Variants in CHD1L observed in about 807,000 individuals in gnomAD.
CHD1L encodes the protein ATP-dependent chromatin remodeler CHD1L.
CHD1L carries 118 observed loss-of-function variants against 115.9 expected under a neutral mutation model. The ratio of observed to expected loss-of-function variants is 1.02; its 90% confidence interval spans 0.88 to 1.19. The LOEUF (loss-of-function observed/expected upper bound fraction) is 1.19. Among genes scored for constraint, CHD1L ranks in the 50% most tolerant of loss-of-function variants. The pLI is 0.00. For synonymous variants in CHD1L, 411 were observed against 387.1 expected, an observed-to-expected ratio of 1.06 and a Z score of -0.72; for missense variants, 1,179 against 1,065.3, an observed-to-expected ratio of 1.11 and a Z score of -1.49.
chr1:147,277,651 T>C (rs782457282), intron 14 of CHD1L, among the ~76,000 whole-genome samples: 14 of 152,198 alleles, frequency 9.2e-5, no homozygotes, highest in Non-Finnish European at 1.9e-4. Context: ...ATAATGGTGC[T>C]AGGGCAGGCT....
intron 22 of CHD1L, 53 bp downstream of exon 22, chr1:147,294,570 T>TGTTCA: frequency 7.1e-7 from 1 of 1,410,244 alleles, no homozygotes; most frequent in Non-Finnish European, 9.9e-7. Flanking sequence ...AGGGAAAATG[T>TGTTCA]GTTCATTTTC....
intron 15 of CHD1L, 152 bp downstream of exon 15, chr1:147,280,343 A>G (rs903580577): frequency 1.3e-6 from 1 of 765,198 alleles, no homozygotes; most frequent in South Asian, 3.5e-5. Flanking sequence ...CTTGCTTGAT[A>G]AAAGAACGTT....
At chr1:147,229,335 T>G in the CHD1L span, among the ~76,000 whole-genome samples, 3 of 152,172 alleles carry the variant, frequency 2.0e-5, no homozygotes, top group Non-Finnish European at 1.5e-5. Context: ...GCGGCATTAT[T>G]TCTGAGGGCT....
chr1:147,272,467 A>C, intron 12 of CHD1L, 186 bp downstream of exon 12: 1 of 487,078 alleles, frequency 2.1e-6, no homozygotes. Flanking sequence ...CTGTCATCTC[A>C]GCAAAGAAGT....
At chr1:147,199,750 A>G in the CHD1L span, among the ~76,000 whole-genome samples, 4 of 152,216 alleles carry the variant, frequency 2.6e-5, no homozygotes, top group South Asian at 2.1e-4. Flanking sequence ...CAGGTAGTAC[A>G]TAATCTGCTG....
the CHD1L span, among the ~76,000 whole-genome samples, chr1:147,207,713 C>G: frequency 9.2e-5 from 14 of 152,192 alleles, no homozygotes; most frequent in African/African-American, 3.4e-4. Context: ...GACTTCTGAT[C>G]AACCCTGGTT....
At chr1:147,263,896 A>G (rs978543437) in intron 6 of CHD1L, among the ~76,000 whole-genome samples, 1 of 152,198 alleles carries the variant, frequency 6.6e-6, no homozygotes, top group African/African-American at 2.4e-5. Flanking sequence ...TGCTGTGTCC[A>G]GAAACATCCA....
intron 5 of CHD1L, chr1:147,259,550 G>A: frequency 3.9e-6 from 1 of 258,430 alleles, no homozygotes; most frequent in African/African-American, 2.2e-5. Context: ...CTGGCACAAA[G>A]TAGGAGATCA....
At chr1:147,282,247 A>C (rs1306615292) in intron 15 of CHD1L, among the ~76,000 whole-genome samples, 1 of 152,176 alleles carries the variant, frequency 6.6e-6, no homozygotes, top group African/African-American at 2.4e-5. Context: ...TTCACTGGGC[A>C]ACCCATTTTC....
the CHD1L span, among the ~76,000 whole-genome samples, chr1:147,223,284 C>T: frequency 7.6e-4 from 115 of 152,046 alleles, no homozygotes; most frequent in Middle Eastern, 3.4e-3. Context: ...TGATGATACA[C>T]GTATGCAGGT....
intron 15 of CHD1L, 25 bp from the exon 16 acceptor site, chr1:147,284,326 C>A: frequency 6.6e-7 from 1 of 1,518,916 alleles, no homozygotes; most frequent in Non-Finnish European, 8.9e-7. Flanking sequence ...TCTAACATTT[C>A]TCTCTTTGTG....
chr1:147,187,357 G>A, the CHD1L span: 2 of 707,264 alleles, frequency 2.8e-6, no homozygotes, highest in Non-Finnish European at 4.7e-6. Context: ...AGGAGCTGTG[G>A]AATATAGAGA....
At chr1:147,225,041 A>T in the CHD1L span, 1 of 1,614,090 alleles carries the variant, frequency 6.2e-7, no homozygotes, top group Non-Finnish European at 8.5e-7. Flanking sequence ...GTCTCCCGAG[A>T]TCTTCACCTG....
chr1:147,267,142 C>T (rs1230049661), intron 8 of CHD1L, among the ~76,000 whole-genome samples: 1 of 152,098 alleles, frequency 6.6e-6, no homozygotes, highest in African/African-American at 2.4e-5. Context: ...TCCCTTGACT[C>T]CACAACAACA....
chr1:147,243,528 C>G (rs1665569441), intron 1 of CHD1L, among the ~76,000 whole-genome samples: 1 of 152,122 alleles, frequency 6.6e-6, no homozygotes, highest in Non-Finnish European at 1.5e-5. Flanking sequence ...TGCATGCCCC[C>G]CAGCCCTGCC....
chr1:147,230,004 C>G, the CHD1L span, among the ~76,000 whole-genome samples: 2 of 130,738 alleles, frequency 1.5e-5, no homozygotes, highest in African/African-American at 3.2e-5. Flanking sequence ...CCTTTATTTC[C>G]TTCTCCTGCC....
At chr1:147,242,520 C>A, upstream of CHD1L, 1 of 554,726 alleles carries the variant, frequency 1.8e-6, no homozygotes, top group Non-Finnish European at 2.7e-6. Context: ...CTCCGCACTG[C>A]AAGAACTGCC....
In CHD1L at chr1:147,242,836, C is replaced by T; in HGVS notation, c.127+6C>T. 2 of 1,274,214 alleles carry T rather than the reference C, an allele frequency of 1.6e-6. No individual in the cohort carries two copies. The highest frequency in any genetic ancestry group is 3.7e-5 in the Admixed American group (1 of 26,816). 78.9% of individuals were successfully genotyped at this position (1,274,214 alleles called of 1,614,324 possible). On this transcript the variant is annotated splice_donor_region_variant and intron_variant, in intron 1 of 22. Coordinates refer to ENST00000369258, the MANE Select transcript of CHD1L (RefSeq NM_004284.6). ...ACGGCAGTGGGGGCTGACAGGTGAG[C>T]GGGCTCCGGGCGGACTTCGGCCAGG...
the CHD1L span, among the ~76,000 whole-genome samples, chr1:147,188,207 T>G: frequency 6.6e-6 from 1 of 152,142 alleles, no homozygotes; most frequent in South Asian, 2.1e-4. Flanking sequence ...TTATTTATCC[T>G]ATAATAGTAG....
Sources: gnomAD v4.1 joint callset for allele counts (sites outside exome capture counted in the v4.1 genomes callset) on GRCh38, gnomAD v4.1.1 for gene constraint, MANE v1.5 for transcripts, NCBI Gene and HGNC (gene_info 2026-07-23, HGNC 2026-07-21) for gene names.